Variants in PRSS23 observed in about 807,000 individuals in gnomAD.
PRSS23 encodes the protein serine protease 23, also known as protease, serine 23.
In PRSS23, 25 loss-of-function variants were observed where a neutral mutation model predicts 34.7. The observed-to-expected ratio is 0.72, with a 90% CI of 0.53 to 1.01. PRSS23 has a LOEUF of 1.01. Ranked by LOEUF, PRSS23 falls within the 50% of genes least tolerant of loss-of-function variation. The probability of loss-of-function intolerance (pLI) is 0.00; values close to 1 mark genes in which losing one functional copy is unlikely to be tolerated. For missense variants in PRSS23, 445 were observed against 475.6 expected (o/e 0.94, Z 0.60); for synonymous variants, 176 against 186.6 (o/e 0.94, Z 0.46).
At chr11:86,832,647 T>C (rs539042817) in intron 2 of PRSS23, 159 of 452,902 alleles carry the variant, frequency 3.5e-4, no homozygotes, top group African/African-American at 3.0e-3. Flanking sequence ...ACTGCACCCT[T>C]TCTGGGGGAA....
At chr11:86,879,173 G>A (rs1377041656) in intron 2 of PRSS23, among the ~76,000 whole-genome samples, 1 of 150,010 alleles carries the variant, frequency 6.7e-6, no homozygotes, top group Non-Finnish European at 1.5e-5. Context: ...CATCTAGGAA[G>A]TGAGGAGCGT....
At chr11:86,904,188 C>A (rs1178241849) in intron 2 of PRSS23, among the ~76,000 whole-genome samples, 1 of 152,086 alleles carries the variant, frequency 6.6e-6, no homozygotes, top group East Asian at 1.9e-4. Flanking sequence ...CACTGTGGAC[C>A]CAGGTTGAAG....
At chr11:86,844,836 T>A (rs1481055694) in intron 2 of PRSS23, among the ~76,000 whole-genome samples, 1 of 152,172 alleles carries the variant, frequency 6.6e-6, no homozygotes, top group Non-Finnish European at 1.5e-5. Flanking sequence ...ATGCCTGTAA[T>A]CCCAGCACTT....
chr11:86,862,613 T>G (rs1402317192), intron 2 of PRSS23, among the ~76,000 whole-genome samples: 1 of 151,768 alleles, frequency 6.6e-6, no homozygotes, highest in Non-Finnish European at 1.5e-5. Flanking sequence ...AACCCTGTAA[T>G]AGTATTTGTA....
chr11:86,797,611 T>G (rs1947989708), upstream of PRSS23, among the ~76,000 whole-genome samples: 1 of 152,174 alleles, frequency 6.6e-6, no homozygotes, highest in Non-Finnish European at 1.5e-5. Flanking sequence ...ATGGGAATAA[T>G]CATCTTGTTC....
chr11:86,920,289 T>C (rs11234875), intron 2 of PRSS23, among the ~76,000 whole-genome samples: 29,552 of 152,224 alleles, frequency 0.19, 2,991 homozygotes, highest in East Asian at 0.33. Flanking sequence ...GTCTATTCAT[T>C]CATTTACTTA....
intron 1 of PRSS23, among the ~76,000 whole-genome samples, chr11:86,822,526 T>G (rs1948259964): frequency 6.8e-6 from 1 of 146,638 alleles, no homozygotes; most frequent in African/African-American, 2.5e-5. Flanking sequence ...GAGGCTGAGG[T>G]GGGAGGATAG....
intron 2 of PRSS23, among the ~76,000 whole-genome samples, chr11:86,870,660 A>T (rs1426410956): frequency 6.6e-6 from 1 of 152,222 alleles, no homozygotes; most frequent in Non-Finnish European, 1.5e-5. Flanking sequence ...ATTGTCCCAC[A>T]GGTCGATATG....
Position 86,808,281 on chromosome 11 carries a change from TGCCC to T in PRSS23, c.640_643del (p.Pro214SerfsTer3), listed in dbSNP as rs777383231. On this transcript the variant is annotated frameshift_variant, in exon 2 of 2. Transcript: ENST00000280258. LOFTEE classifies it high-confidence loss of function. ...GGGGCCAACGACTCCACTTCAGCCA[TGCCC>T]GAGCAGATGAAATTTCAGTGGATCC... is the stretch of plus-strand genomic sequence containing the variant. 9 of 1,613,970 alleles carry T rather than the reference TGCCC, an allele frequency of 5.6e-6. No homozygotes were observed. Among genetic ancestry groups the T allele is most frequent in the Non-Finnish European group, 6.8e-6 (8 of 1,180,052 alleles).
At chr11:86,864,251 C>A (rs1948635469) in intron 2 of PRSS23, among the ~76,000 whole-genome samples, 1 of 151,932 alleles carries the variant, frequency 6.6e-6, no homozygotes, top group Non-Finnish European at 1.5e-5. Context: ...GACTAGTGTT[C>A]CTGGCCTGAC....
chr11:86,796,442 C>A (rs1369496331), upstream of PRSS23, among the ~76,000 whole-genome samples: 1 of 151,792 alleles, frequency 6.6e-6, no homozygotes, highest in African/African-American at 2.4e-5. Context: ...GAGATCGAGA[C>A]CATCCTGGCT....
chr11:86,860,491 A>T (rs761775921), intron 2 of PRSS23, among the ~76,000 whole-genome samples: 19 of 147,750 alleles, frequency 1.3e-4, no homozygotes, highest in Non-Finnish European at 2.7e-4. Flanking sequence ...AGATTATATT[A>T]CTCCCAATAT....
chr11:86,806,281 T>C (rs1347950471), intron 1 of PRSS23, among the ~76,000 whole-genome samples: 1 of 152,240 alleles, frequency 6.6e-6, no homozygotes, highest in Non-Finnish European at 1.5e-5. Flanking sequence ...GCACAGACTC[T>C]TGTTTCCCTT....
At chr11:86,877,442 A>C (rs1258559804) in intron 2 of PRSS23, among the ~76,000 whole-genome samples, 2 of 152,160 alleles carry the variant, frequency 1.3e-5, no homozygotes, top group African/African-American at 2.4e-5. Context: ...CTTTGGATTC[A>C]TTTTAAACAG....
chr11:86,950,083 T>C (rs1256916238), intron 2 of PRSS23: 1 of 152,504 alleles, frequency 6.6e-6, no homozygotes, highest in African/African-American at 2.4e-5. Flanking sequence ...TACTATGTCA[T>C]GGTCCAACAA....
rs1352896100 is a variant in PRSS23, at chr11:86,879,772, G to A, written c.206+56179G>A. On this transcript the variant is annotated intron_variant, in intron 2 of 2. Coordinates refer to the PRSS23 transcript ENST00000533902. ...CAGCCGCCCCGTCCGGGAGGGAGGTGGGGGGGTCAGCCCCCTGCCCGGCCA... is the reference window on the plus strand; with the variant it reads ...CAGCCGCCCCGTCCGGGAGGGAGGTAGGGGGGTCAGCCCCCTGCCCGGCCA... Among the ~76,000 whole-genome samples, 4 of 99,852 alleles carry A rather than the reference G, an allele frequency of 4.0e-5. 1 individual carries two copies. The highest frequency in any genetic ancestry group is 1.5e-4 in the African/African-American group (4 of 26,360). The allele number at this position is 99,852 out of a possible 152,430, so 65.5% of individuals were successfully genotyped here.
At chr11:86,904,488 T>A (rs1285490198) in intron 2 of PRSS23, among the ~76,000 whole-genome samples, 1 of 152,186 alleles carries the variant, frequency 6.6e-6, no homozygotes, top group East Asian at 1.9e-4. Flanking sequence ...CTTCAGCTTC[T>A]AGCTCAAGCA....
At chr11:86,930,921 C>A (rs975910929) in intron 2 of PRSS23, among the ~76,000 whole-genome samples, 2 of 151,960 alleles carry the variant, frequency 1.3e-5, no homozygotes, top group Non-Finnish European at 2.9e-5. Context: ...AAACAGCGGG[C>A]AGGAAGATGC....
intron 2 of PRSS23, among the ~76,000 whole-genome samples, chr11:86,913,029 C>T (rs143583285): frequency 1.6e-3 from 249 of 152,314 alleles, no homozygotes; most frequent in African/African-American, 5.6e-3. Context: ...AGTTGGGCTG[C>T]TTGACGTCTG....
Sources: allele counts gnomAD v4.1 joint callset (sites outside exome capture counted in the v4.1 genomes callset), GRCh38; gene constraint gnomAD v4.1.1; transcripts MANE v1.5; gene names NCBI Gene and HGNC (gene_info 2026-07-23, HGNC 2026-07-21).